The following SLC1A1 variants were observed in gnomAD, a reference collection of about 807,000 sequenced individuals.
SLC1A1 encodes the protein solute carrier family 1 member 1.
In SLC1A1, 43 loss-of-function variants were observed where a neutral mutation model predicts 53.3. The observed-to-expected ratio is 0.81, with a 90% CI of 0.63 to 1.04. SLC1A1 has a LOEUF of 1.04. Among genes scored for constraint, SLC1A1 ranks in the 50% least tolerant of loss-of-function variants. The pLI, the probability that SLC1A1 is intolerant of heterozygous loss-of-function variation, is 0.00. For missense variants in SLC1A1, 748 were observed against 664.9 expected (o/e 1.12, Z -1.37); for synonymous variants, 307 against 243.2 (o/e 1.26, Z -2.44).
At chr9:4,525,831 G>T (rs1816238712) in intron 1 of SLC1A1, among the ~76,000 whole-genome samples, 1 of 151,974 alleles carries the variant, frequency 6.6e-6, no homozygotes, top group Non-Finnish European at 1.5e-5. Context: ...ACCCTCCAAG[G>T]ACCCATAGAT....
At chr9:4,573,410 T>C (rs192182544) in intron 7 of SLC1A1, among the ~76,000 whole-genome samples, 157 of 152,290 alleles carry the variant, frequency 1.0e-3, no homozygotes, top group Non-Finnish European at 1.6e-3. Flanking sequence ...AAATGATGCA[T>C]GTAAAATACT....
In SLC1A1 at chr9:4,511,395, A is replaced by T. The variant is rs1200751330; in HGVS notation, c.91+20625A>T. 2.6e-5 allele frequency among the ~76,000 whole-genome samples: 4 copies of T among 152,140 alleles called. No homozygotes were observed. The East Asian group carries it at 7.7e-4, about 29-fold the overall frequency. ...TTTCAAAAAGGCACTAATCCCATTC[A>T]GGAGGGCTCTCCCCTCACGACCTAA... is the stretch of plus-strand genomic sequence containing the variant. On this transcript the variant is annotated intron_variant, in intron 1 of 11. Coordinates refer to ENST00000262352, the MANE Select transcript of SLC1A1 (RefSeq NM_004170.6).
rs777287810 is a variant in SLC1A1 at position 4,564,361 on chromosome 9, A to C, written c.343A>C (p.Ser115Arg). ...AVILGIVLVVSIKPGVTQKVG... is the reference protein window; with the variant it reads ...AVILGIVLVVRIKPGVTQKVG... ...GGCCACAGGTATTGTGCTGGTGGTG[A>C]GCATCAAGCCTGGTGTCACCCAGAA... The change falls in exon 4 of 12, where the codon AGC (serine) becomes CGC (arginine). Residue 115 changes from serine to arginine, a missense_variant. Coordinates refer to ENST00000262352, the MANE Select transcript of SLC1A1 (RefSeq NM_004170.6). 6.2e-7 allele frequency: 1 copy of C among 1,613,344 alleles called. No individual in the cohort carries two copies. Among genetic ancestry groups the C allele is most frequent in the Non-Finnish European group, 8.5e-7 (1 of 1,179,574 alleles).
intron 4 of SLC1A1, among the ~76,000 whole-genome samples, chr9:4,565,546 C>G (rs1388918938): frequency 6.6e-5 from 10 of 152,152 alleles, no homozygotes; most frequent in African/African-American, 1.4e-4. Flanking sequence ...GTGCCACACA[C>G]TTTCTAACAA....
rs1182778365 is a variant in SLC1A1 at position 4,561,488 on chromosome 9, G to GT, written c.273dup (p.Leu92SerfsTer35). The GT allele has an allele frequency of 6.2e-7, 1 of 1,611,258 alleles. No individual in the cohort carries two copies. Among genetic ancestry groups the GT allele is most frequent in the East Asian group, 2.2e-5 (1 of 44,870 alleles). ...GATTCCAACGTATCCGGAAAAATTG[G>GT]TCTGCGCGCTGTCGTGTATTATTTC... On this transcript the variant is annotated frameshift_variant, in exon 3 of 12. Coordinates refer to ENST00000262352, the MANE Select transcript of SLC1A1 (RefSeq NM_004170.6). LOFTEE classifies it high-confidence loss of function.
intron 10 of SLC1A1, among the ~76,000 whole-genome samples, chr9:4,578,152 C>G (rs185388171): frequency 6.6e-6 from 1 of 152,338 alleles, no homozygotes; most frequent in East Asian, 1.9e-4. Flanking sequence ...AAATATAGGT[C>G]TGGCTGCAGA....
In SLC1A1 at chr9:4,585,630, GA is replaced by G. The variant is rs1821521035; in HGVS notation, c.*76del. 5 of 1,569,900 alleles carry G rather than the reference GA, an allele frequency of 3.2e-6. No homozygotes were observed. Among genetic ancestry groups the G allele is most frequent in the Non-Finnish European group, 4.4e-6 (5 of 1,141,194 alleles). On this transcript the variant is annotated 3_prime_UTR_variant, in exon 12 of 12. Coordinates refer to ENST00000262352, the MANE Select transcript of SLC1A1 (RefSeq NM_004170.6). ...AGAGTCATCTCAAACACTGCTTAAG[GA>G]AAAGAGAAACACTAATGGCCAAGTG...
intron 1 of SLC1A1, among the ~76,000 whole-genome samples, chr9:4,540,557 A>G (rs1340752637): frequency 6.6e-6 from 1 of 152,332 alleles, no homozygotes; most frequent in South Asian, 2.1e-4. Flanking sequence ...GGCACCCACT[A>G]GACACTGCCT....
Position 4,535,193 on chromosome 9 carries a change from G to A in SLC1A1, c.92-9374G>A, listed in dbSNP as rs938254024. The stretch of plus-strand genomic sequence containing the variant: ...CACCACTCCTATTCAACATAGTGTT[G>A]GAAGTTCTGGCCAGGGCAATCAGGC... On this transcript the variant is annotated intron_variant, in intron 1 of 11. Coordinates refer to ENST00000262352, the MANE Select transcript of SLC1A1 (RefSeq NM_004170.6). Among the ~76,000 whole-genome samples the A allele has an allele frequency of 3.9e-5, 6 of 152,262 alleles. No homozygotes were observed. In the East Asian group the frequency reaches 9.7e-4, roughly 25 times the overall value.
chr9:4,514,991 C>T (rs551339058), intron 1 of SLC1A1, among the ~76,000 whole-genome samples: 3 of 152,112 alleles, frequency 2.0e-5, no homozygotes, highest in South Asian at 4.2e-4. Flanking sequence ...AGCCGGGGCT[C>T]CTGTATCCCT....
At chr9:4,495,406 A>C (rs78281039) in intron 1 of SLC1A1, among the ~76,000 whole-genome samples, 1 of 152,304 alleles carries the variant, frequency 6.6e-6, no homozygotes, top group Non-Finnish European at 1.5e-5. Flanking sequence ...AAGTAGAGAG[A>C]GGTAGACCAT....
chr9:4,578,056 T>C (rs1019086450), intron 10 of SLC1A1, among the ~76,000 whole-genome samples: 1 of 152,152 alleles, frequency 6.6e-6, no homozygotes, highest in Admixed American at 6.5e-5. Context: ...GAAGCACATA[T>C]AGGTGGGAAA....
At chr9:4,567,519 C>G in intron 5 of SLC1A1, 150 bp from the exon 6 acceptor site, 1 of 663,574 alleles carries the variant, frequency 1.5e-6, no homozygotes, top group South Asian at 1.6e-5. Context: ...TGGGAGGTAC[C>G]GTTGACAACT....
At chr9:4,538,579 T>A (rs1356337789) in intron 1 of SLC1A1, among the ~76,000 whole-genome samples, 1 of 152,218 alleles carries the variant, frequency 6.6e-6, no homozygotes, top group Non-Finnish European at 1.5e-5. Flanking sequence ...GTATTTGAGT[T>A]GATTAGTTTG....
intron 1 of SLC1A1, among the ~76,000 whole-genome samples, chr9:4,509,562 A>T (rs550419229): frequency 2.3e-5 from 3 of 127,948 alleles, no homozygotes; most frequent in Non-Finnish European, 5.0e-5. Flanking sequence ...GGGAGAAAAT[A>T]AAAAAAAAAA....
rs1820196916 is a variant in SLC1A1, at chr9:4,490,646, C to T, written c.-34C>T. 15 of 1,586,076 alleles carry T rather than the reference C, an allele frequency of 9.5e-6. No individual in the cohort carries two copies. The highest frequency in any genetic ancestry group is 1.3e-5 in the African/African-American group (1 of 74,294). On this transcript the variant is annotated 5_prime_UTR_variant, in exon 1 of 12. In the 5' UTR this introduces an upstream ATG that the reference lacks. Coordinates refer to ENST00000262352, the MANE Select transcript of SLC1A1 (RefSeq NM_004170.6). ...CCGGGTCGCCCAGCCCACGCGCGCA[C>T]GGCCGAGCCCAGCGCACAATAGCGG...
At chr9:4,538,705 C>G (rs1038735383) in intron 1 of SLC1A1, among the ~76,000 whole-genome samples, 2 of 152,174 alleles carry the variant, frequency 1.3e-5, no homozygotes, top group Non-Finnish European at 1.5e-5. Flanking sequence ...TTTATGGACT[C>G]CAGCATCTGT....
intron 1 of SLC1A1, among the ~76,000 whole-genome samples, chr9:4,542,810 A>G (rs1817133055): frequency 6.6e-6 from 1 of 152,232 alleles, no homozygotes; most frequent in African/African-American, 2.4e-5. Context: ...TCCATTCAAG[A>G]GTCTCTAACA....
intron 10 of SLC1A1, among the ~76,000 whole-genome samples, chr9:4,577,114 G>A (rs1008930158): frequency 6.6e-6 from 1 of 152,186 alleles, no homozygotes; most frequent in Non-Finnish European, 1.5e-5. Context: ...GATGAGGGAT[G>A]TAAGAGAACT....
Sources: allele counts gnomAD v4.1 joint callset (sites outside exome capture counted in the v4.1 genomes callset), GRCh38; gene constraint gnomAD v4.1.1; transcripts MANE v1.5; gene names NCBI Gene and HGNC (gene_info 2026-07-23, HGNC 2026-07-21).